The following ABLIM2 variants were observed in gnomAD, a reference collection of about 807,000 sequenced individuals.
ABLIM2 encodes actin-binding LIM protein 2.
In ABLIM2, 53 loss-of-function variants were observed where a neutral mutation model predicts 97.7. The ratio of observed to expected loss-of-function variants is 0.54; its 90% confidence interval spans 0.44 to 0.68. The LOEUF (loss-of-function observed/expected upper bound fraction) is 0.68, where lower values mean the gene tolerates loss of function less well. ABLIM2 is among the 30% of genes least tolerant of loss of function. The probability of loss-of-function intolerance (pLI) is 0.00; values close to 1 mark genes in which losing one functional copy is unlikely to be tolerated. For missense variants in ABLIM2, 835 were observed against 867.2 expected (o/e 0.96, Z 0.47); for synonymous variants, 361 against 345.8 (o/e 1.04, Z -0.49).
intron 4 of ABLIM2, among the ~76,000 whole-genome samples, chr4:8,086,261 G>A (rs959144102): frequency 7.1e-6 from 1 of 140,970 alleles, no homozygotes; most frequent in African/African-American, 2.7e-5. Flanking sequence ...CAGCCTTTCT[G>A]CCAAGGGTAT....
At position 8,003,946 on chromosome 4, in the gene ABLIM2, G is replaced by A. The variant is rs1017436019; in HGVS notation, c.1618+4113C>T. ...AAGCCTGAGGCCAGGTGCCCTGCCC[G>A]TCCCACCAGATATCCTCACGAGATT... On this transcript the variant is annotated intron_variant, in intron 16 of 20. Transcript: ENST00000447017. The surrounding 1 kb of genome is among the most constrained non-coding windows in gnomAD (Gnocchi z 4.2). 9.2e-5 allele frequency among the ~76,000 whole-genome samples: 14 copies of A among 152,090 alleles called. No homozygotes were observed. The highest frequency in any genetic ancestry group is 3.4e-4 in the African/African-American group (14 of 41,418).
Position 7,986,299 on chromosome 4 carries a change from C to G in ABLIM2, c.1681-1406G>C, listed in dbSNP as rs1744016615. 6.6e-6 allele frequency among the ~76,000 whole-genome samples: 1 copy of G among 152,110 alleles called. No homozygotes were observed. The highest frequency in any genetic ancestry group is 1.5e-5 in the Non-Finnish European group (1 of 68,024). On this transcript the variant is annotated intron_variant, in intron 17 of 20. Coordinates refer to ENST00000447017, the MANE Select transcript of ABLIM2 (RefSeq NM_001130083.2). This position sits in a 1 kb window ranked among gnomAD's most constrained non-coding sequence, Gnocchi z 4.3. ...GGTTACAGCCTAGAGAGCACGAGAG[C>G]AGGAAGACCTCAGAGGGCACCGAGT...
rs1341925842 is a variant in ABLIM2, at chr4:8,061,070, A to C, written c.676-16T>G. On this transcript the variant is annotated splice_polypyrimidine_tract_variant and intron_variant, in intron 6 of 20. Transcript: ENST00000447017. This position sits in a 1 kb window ranked among gnomAD's most constrained non-coding sequence, Gnocchi z 4.5. ...TCTCTCCGGCCTGTAAGAAAAGCAC[A>C]AAGCAGAATGTTTCTACTAAAGCCA... 1 of 1,570,074 alleles carries C rather than the reference A, an allele frequency of 6.4e-7. No homozygotes were observed. The highest frequency in any genetic ancestry group is 1.9e-5 in the Admixed American group (1 of 53,270).
chr4:8,124,632 C>T lies in ABLIM2; in HGVS notation c.11-17995G>A, dbSNP rs1847025415. Reference sequence around the variant, plus strand: ...AGAAATATTCCGTTGTACAGACAGACCCTATTTGGCTCATCCATTAGTCAG... The same window carrying T: ...AGAAATATTCCGTTGTACAGACAGATCCTATTTGGCTCATCCATTAGTCAG... On this transcript the variant is annotated intron_variant, in intron 1 of 20. Coordinates refer to ENST00000447017, the MANE Select transcript of ABLIM2 (RefSeq NM_001130083.2). The surrounding 1 kb of genome is among the most constrained non-coding windows in gnomAD (Gnocchi z 6.1). Among the ~76,000 whole-genome samples the T allele has an allele frequency of 1.3e-5, 2 of 152,194 alleles. No individual in the cohort carries two copies. The highest frequency in any genetic ancestry group is 6.5e-5 in the Admixed American group (1 of 15,284).
At chr4:8,114,103 C>CT (rs1452043819) in intron 1 of ABLIM2, among the ~76,000 whole-genome samples, 1 of 152,248 alleles carries the variant, frequency 6.6e-6, no homozygotes, top group African/African-American at 2.4e-5. Context: ...CTGCTGTCCA[C>CT]TGGCCTGCCT....
rs1347844989 is a variant in ABLIM2, at chr4:8,155,240, G to C, written c.10+3440C>G. On this transcript the variant is annotated intron_variant, in intron 1 of 20. Coordinates refer to ENST00000447017, the MANE Select transcript of ABLIM2 (RefSeq NM_001130083.2). The surrounding 1 kb of genome is among the most constrained non-coding windows in gnomAD (Gnocchi z 4.2). ...ACGGTTTGGTGGTTTCTAACATTTT[G>C]TTGTTACTAGTAAGTCTGAGATGAA... 2.6e-5 allele frequency among the ~76,000 whole-genome samples: 4 copies of C among 152,190 alleles called. No homozygotes were observed. The highest frequency in any genetic ancestry group is 5.9e-5 in the Non-Finnish European group (4 of 68,028).
At position 8,032,906 on chromosome 4, in the gene ABLIM2, C is replaced by T. The variant is rs76328387; in HGVS notation, c.1048-3130G>A. 0.023 allele frequency among the ~76,000 whole-genome samples: 3,527 copies of T among 152,260 alleles called. 119 individuals carry two copies. The highest frequency in any genetic ancestry group is 0.079 in the African/African-American group (3,281 of 41,520). On this transcript the variant is annotated intron_variant, in intron 10 of 20. Coordinates refer to ENST00000447017, the MANE Select transcript of ABLIM2 (RefSeq NM_001130083.2). This position sits in a 1 kb window ranked among gnomAD's most constrained non-coding sequence, Gnocchi z 4.3. ...CCAGAGAAAGAGGCCCCCGGGGAAACTGATTTCGTGCCAATGAGCCCAGAG... is the reference window on the plus strand; with the variant it reads ...CCAGAGAAAGAGGCCCCCGGGGAAATTGATTTCGTGCCAATGAGCCCAGAG...
At position 8,083,138 on chromosome 4, in the gene ABLIM2, G is replaced by A. The variant is rs560718820; in HGVS notation, c.455-2336C>T. Reference sequence around the variant, plus strand: ...GAATGGTGCTGGAGCTGAGATCCCCGGCTCCAAGCCTCTGTTGGCTTCTCT... The same window carrying A: ...GAATGGTGCTGGAGCTGAGATCCCCAGCTCCAAGCCTCTGTTGGCTTCTCT... On this transcript the variant is annotated intron_variant, in intron 4 of 20. Transcript: ENST00000447017. The surrounding 1 kb of genome is among the most constrained non-coding windows in gnomAD (Gnocchi z 4.6). Among the ~76,000 whole-genome samples, 23 of 152,248 alleles carry A rather than the reference G, an allele frequency of 1.5e-4. No individual in the cohort carries two copies. Among genetic ancestry groups the A allele is most frequent in the Non-Finnish European group, 2.4e-4 (16 of 68,014 alleles).
In ABLIM2 at chr4:8,005,260, T is replaced by C. The variant is rs1273140019; in HGVS notation, c.1618+2799A>G. 1.9e-6 allele frequency: 1 copy of C among 516,716 alleles called. No individual in the cohort carries two copies. Among genetic ancestry groups the C allele is most frequent in the East Asian group, 5.6e-5 (1 of 17,956 alleles). The allele number at this position is 516,716 out of a possible 1,614,324, so 32.0% of individuals were successfully genotyped here. A position where few individuals can be genotyped will look rare whatever the true frequency, so the allele number is the denominator to read the frequency against. On this transcript the variant is annotated intron_variant, in intron 16 of 20. Coordinates refer to ENST00000447017, the MANE Select transcript of ABLIM2 (RefSeq NM_001130083.2). The surrounding 1 kb of genome is among the most constrained non-coding windows in gnomAD (Gnocchi z 4.9). Reference sequence around the variant, plus strand: ...CGCTTCTCCAGGTCAGGGGCTGCTCTTGTCTTCTCTGTCCCCCTCGGCGCC... The same window carrying C: ...CGCTTCTCCAGGTCAGGGGCTGCTCCTGTCTTCTCTGTCCCCCTCGGCGCC...
chr4:8,101,328 C>T (rs540019526), intron 2 of ABLIM2, among the ~76,000 whole-genome samples: 46 of 152,356 alleles, frequency 3.0e-4, no homozygotes, highest in Admixed American at 8.5e-4. Flanking sequence ...GCCATGTGAT[C>T]TTGACACTCG....
chr4:8,009,230 T>G, intron 14 of ABLIM2, 128 bp from the exon 15 acceptor site: 1 of 1,164,566 alleles, frequency 8.6e-7, no homozygotes, highest in East Asian at 2.4e-5. Context: ...GTAGTACGAG[T>G]GCCTTTCAAA....
rs374594261 is a variant in ABLIM2 at position 7,987,036 on chromosome 4, GCAGTGGCAC to G, written c.1681-2152_1681-2144del. 7.0e-3 allele frequency among the ~76,000 whole-genome samples: 1,071 copies of G among 152,234 alleles called. 13 individuals carry two copies. Among genetic ancestry groups the G allele is most frequent in the African/African-American group, 0.024 (997 of 41,540 alleles). On this transcript the variant is annotated intron_variant, in intron 17 of 20. Coordinates refer to ENST00000447017, the MANE Select transcript of ABLIM2 (RefSeq NM_001130083.2). ...CTGGCTCTGTCACCCAGACTGGAGT[GCAGTGGCAC>G]GATCTCAGCTCATTGCAACCTCTGC... is the stretch of plus-strand genomic sequence containing the variant.
rs552072630 is a variant in ABLIM2, at chr4:8,001,959, C to T, written c.1618+6100G>A. On this transcript the variant is annotated intron_variant, in intron 16 of 20. Coordinates refer to ENST00000447017, the MANE Select transcript of ABLIM2 (RefSeq NM_001130083.2). The surrounding 1 kb of genome is among the most constrained non-coding windows in gnomAD (Gnocchi z 4.2). ...TCTCTTTTTCTTGCTCTCTCTCCTC[C>T]CAGCATTTTGCTGAGATGGGGAGAT... Among the ~76,000 whole-genome samples, 38 of 152,308 alleles carry T rather than the reference C, an allele frequency of 2.5e-4. No homozygotes were observed. Among genetic ancestry groups the T allele is most frequent in the African/African-American group, 9.1e-4 (38 of 41,570 alleles).
intron 16 of ABLIM2, 199 bp downstream of exon 16, chr4:8,007,860 C>T (rs367843191): frequency 4.3e-6 from 6 of 1,385,376 alleles, no homozygotes; most frequent in Admixed American, 3.0e-5. Context: ...CACACTGGCT[C>T]GGGGACAGTT....
At chr4:8,105,909 C>T (rs1250600101) in intron 2 of ABLIM2, among the ~76,000 whole-genome samples, 1 of 151,640 alleles carries the variant, frequency 6.6e-6, no homozygotes, top group African/African-American at 2.4e-5. Context: ...TCTCCGTTGG[C>T]CGGGCCCGGT....
At position 8,099,015 on chromosome 4, in the gene ABLIM2, G is replaced by A. The variant is rs149501834; in HGVS notation, c.155-1733C>T. Among the ~76,000 whole-genome samples, 20 of 152,366 alleles carry A rather than the reference G, an allele frequency of 1.3e-4. No homozygotes were observed. In the East Asian group the frequency reaches 1.9e-3, roughly 15 times the overall value. ...TCGCTCCTCCTGGGCGTTCCGGGGC[G>A]TTTATGAGAAACAGCCAAGGACTCC... On this transcript the variant is annotated intron_variant, in intron 2 of 20. Coordinates refer to ENST00000447017, the MANE Select transcript of ABLIM2 (RefSeq NM_001130083.2).
rs143510427 is a variant in ABLIM2, at chr4:8,058,166, A to C, written c.763+2801T>G. On this transcript the variant is annotated intron_variant, in intron 7 of 20. Transcript: ENST00000447017. This position sits in a 1 kb window ranked among gnomAD's most constrained non-coding sequence, Gnocchi z 4.2. ...CCCAAGGCCATTGTGCTCAGTGTCCACCGTGCCCCACTGTCTAAGGGTGCC... is the reference window on the plus strand; with the variant it reads ...CCCAAGGCCATTGTGCTCAGTGTCCCCCGTGCCCCACTGTCTAAGGGTGCC... Among the ~76,000 whole-genome samples, 593 of 152,356 alleles carry C rather than the reference A, an allele frequency of 3.9e-3. 3 individuals carry two copies. Among genetic ancestry groups the C allele is most frequent in the African/African-American group, 0.014 (564 of 41,580 alleles).
At position 8,019,730 on chromosome 4, in the gene ABLIM2, G is replaced by A. The variant is rs1772176972; in HGVS notation, c.1370-59C>T. The A allele has an allele frequency of 6.7e-7, 1 of 1,502,820 alleles. No individual in the cohort carries two copies. Among genetic ancestry groups the A allele is most frequent in the African/African-American group, 1.4e-5 (1 of 72,434 alleles). 93.1% of individuals were successfully genotyped at this position (1,502,820 alleles called of 1,614,324 possible). Reference sequence around the variant, plus strand: ...AGGAGGGTAAGCAGCAAGTTGTGATGGTTTCTGTTCTACAGCTTTTTGTAA... The same window carrying A: ...AGGAGGGTAAGCAGCAAGTTGTGATAGTTTCTGTTCTACAGCTTTTTGTAA... On this transcript the variant is annotated intron_variant, in intron 13 of 20. Coordinates refer to ENST00000447017, the MANE Select transcript of ABLIM2 (RefSeq NM_001130083.2). This position sits in a 1 kb window ranked among gnomAD's most constrained non-coding sequence, Gnocchi z 4.3.
At chr4:8,091,306 T>A (rs62289379) in intron 3 of ABLIM2, among the ~76,000 whole-genome samples, 3 of 28,326 alleles carry the variant, frequency 1.1e-4, no homozygotes, top group Non-Finnish European at 1.8e-4. Context: ...TATATTATAT[T>A]ATATATATAT....
Sources: gnomAD v4.1 joint callset for allele counts (sites outside exome capture counted in the v4.1 genomes callset) on GRCh38, gnomAD v4.1.1 for gene constraint, Gnocchi (gnomAD v3.1) non-coding constraint, MANE v1.5 for transcripts, NCBI Gene and HGNC (gene_info 2026-07-23, HGNC 2026-07-21) for gene names.